The following NCAPD3 variants were observed in gnomAD, a reference collection of about 807,000 sequenced individuals.
NCAPD3 encodes condensin-2 complex subunit D3.
NCAPD3 carries 105 observed loss-of-function variants against 182.9 expected under a neutral mutation model. That is an observed-to-expected ratio of 0.57 (90% confidence interval 0.49 to 0.68). The LOEUF (loss-of-function observed/expected upper bound fraction) is 0.68, where lower values mean the gene tolerates loss of function less well. NCAPD3 is among the 30% of genes least tolerant of loss of function. The pLI is 0.00. For synonymous variants in NCAPD3, 815 were observed against 679.9 expected (o/e 1.20, Z -3.09); for missense variants, 1,944 against 1,837.0 (o/e 1.06, Z -1.07).
At chr11:134,167,328 T>C (rs1591829123) in intron 27 of NCAPD3, among the ~76,000 whole-genome samples, 1 of 39,670 alleles carries the variant, frequency 2.5e-5, no homozygotes, top group Non-Finnish European at 3.8e-5. Context: ...GAAATGAGCC[T>C]GGGGGAGGCG....
intron 25 of NCAPD3, 75 bp from the exon 26 acceptor site, chr11:134,168,677 C>T: frequency 1.3e-6 from 2 of 1,582,112 alleles, no homozygotes; most frequent in Non-Finnish European, 1.7e-6. Context: ...ACTTTAACTG[C>T]ATCCTAAAAG....
At chr11:134,178,017 T>C (rs1222146285) in intron 22 of NCAPD3, 5 of 152,100 alleles carry the variant, frequency 3.3e-5, no homozygotes, top group Non-Finnish European at 5.9e-5. Flanking sequence ...TACAAAAAAA[T>C]TAATAACTTA....
chr11:134,221,851 G>A (rs986751115), intron 1 of NCAPD3, among the ~76,000 whole-genome samples: 3 of 152,100 alleles, frequency 2.0e-5, no homozygotes, highest in Non-Finnish European at 4.4e-5. Context: ...CCCTGAAGGA[G>A]GGGGTCTCTG....
Position 134,152,952 on chromosome 11 carries a change from C to CTGTT in NCAPD3, c.4485_4488dup (p.Ala1497AsnfsTer65). On this transcript the variant is annotated frameshift_variant, in exon 35 of 35. Transcript: ENST00000534548. LOFTEE classifies it high-confidence loss of function. ...CTGGTGGGAGGCGCTGTTTAGTTGG[C>CTGTT]TGTTTTCAGAGGGGTCTTTCGGAGG... The CTGTT allele has an allele frequency of 1.9e-6, 3 of 1,551,912 alleles. No individual in the cohort carries two copies. Among genetic ancestry groups the CTGTT allele is most frequent in the Non-Finnish European group, 2.6e-6 (3 of 1,150,098 alleles).
chr11:134,185,007 A>G lies in NCAPD3; in HGVS notation c.2238-7T>C. The G allele has an allele frequency of 6.3e-7, 1 of 1,593,704 alleles. No individual in the cohort carries two copies. The highest frequency in any genetic ancestry group is 8.6e-7 in the Non-Finnish European group (1 of 1,161,504). ...TGAATTGGGATTCTGCTGACTAGAGAAAGGGCAGGAGGAATATGAAGGGAG... is the reference window on the plus strand; with the variant it reads ...TGAATTGGGATTCTGCTGACTAGAGGAAGGGCAGGAGGAATATGAAGGGAG... On this transcript the variant is annotated splice_polypyrimidine_tract_variant and splice_region_variant and intron_variant, in intron 17 of 34. Coordinates refer to ENST00000534548, the MANE Select transcript of NCAPD3 (RefSeq NM_015261.3).
At chr11:134,162,032 A>G (rs1170098429) in intron 27 of NCAPD3, 141 bp from the exon 28 acceptor site, 10 of 560,886 alleles carry the variant, frequency 1.8e-5, no homozygotes, top group African/African-American at 3.9e-5. Flanking sequence ...CTGGATGTAG[A>G]GGACCTCTGC....
At chr11:134,202,736 A>G (rs1944775104) in intron 13 of NCAPD3, 80 bp downstream of exon 13, 2 of 1,158,502 alleles carry the variant, frequency 1.7e-6, no homozygotes, top group African/African-American at 1.6e-5. Flanking sequence ...AAAAAAAAAA[A>G]TCCAAGGTTT....
At chr11:134,165,959 G>T (rs867642218) in intron 27 of NCAPD3, among the ~76,000 whole-genome samples, 3 of 127,416 alleles carry the variant, frequency 2.4e-5, no homozygotes, top group Non-Finnish European at 5.0e-5. Flanking sequence ...GATGAGCTTG[G>T]GGGAGGGGCA....
intron 24 of NCAPD3, among the ~76,000 whole-genome samples, chr11:134,173,888 G>A (rs564818947): frequency 6.6e-6 from 1 of 151,576 alleles, no homozygotes; most frequent in East Asian, 1.9e-4. Context: ...TTGAACCAGG[G>A]AGTCGGAGGC....
At chr11:134,156,080 C>T (rs547513750) in intron 32 of NCAPD3, among the ~76,000 whole-genome samples, 5 of 152,200 alleles carry the variant, frequency 3.3e-5, no homozygotes, top group South Asian at 4.1e-4. Context: ...CACCTTAGCA[C>T]GCTCTCATCT....
At chr11:134,161,925 A>G (rs1233749676) in intron 27 of NCAPD3, 34 bp from the exon 28 acceptor site, 1 of 1,178,990 alleles carries the variant, frequency 8.5e-7, no homozygotes, top group Non-Finnish European at 1.2e-6. Flanking sequence ...TTTTAGATGT[A>G]TGAACTTCTG....
intron 27 of NCAPD3, among the ~76,000 whole-genome samples, chr11:134,163,051 A>T (rs1283462908): frequency 1.3e-5 from 2 of 152,296 alleles, no homozygotes. Context: ...ACTGAGGTGC[A>T]GATGGCAATT....
intron 14 of NCAPD3, 54 bp downstream of exon 14, chr11:134,194,611 G>C (rs559930147): frequency 1.6e-6 from 2 of 1,284,944 alleles, no homozygotes; most frequent in African/African-American, 1.5e-5. Context: ...ATATTCCTTT[G>C]CATTTCCAAG....
intron 3 of NCAPD3, among the ~76,000 whole-genome samples, chr11:134,216,097 C>A (rs1450220358): frequency 6.6e-6 from 1 of 152,042 alleles, no homozygotes; most frequent in Non-Finnish European, 1.5e-5. Context: ...TGAGAGAGGG[C>A]CTAGTTACAA....
At chr11:134,221,428 GGTTT>G (rs2136035578) in intron 1 of NCAPD3, among the ~76,000 whole-genome samples, 1 of 151,724 alleles carries the variant, frequency 6.6e-6, no homozygotes, top group South Asian at 2.1e-4. Context: ...ACAACATGCA[GGTTT>G]GTTACATAGG....
chr11:134,168,475 T>C lies in NCAPD3; in HGVS notation c.3367A>G (p.Ile1123Val), dbSNP rs779709284. The C allele has an allele frequency of 6.2e-7, 1 of 1,614,186 alleles. No individual in the cohort carries two copies. The highest frequency in any genetic ancestry group is 8.5e-7 in the Non-Finnish European group (1 of 1,180,020). The change falls in exon 26 of 35, where the codon ATT becomes GTT. Residue 1123 changes from isoleucine to valine, a missense_variant. This residue lies in a region of NCAPD3 where 1,803 missense variants were observed against 1,674.6 expected (regional missense o/e 1.08). Coordinates refer to ENST00000534548, the MANE Select transcript of NCAPD3 (RefSeq NM_015261.3). ...CCACACACACTGGGCTTACCCAAAATACTAAGGCAGATTTTGGAAGTGATG... is the reference window on the plus strand; with the variant it reads ...CCACACACACTGGGCTTACCCAAAACACTAAGGCAGATTTTGGAAGTGATG... ...FNITSKICLS[I>V]LACFADGILP...
At chr11:134,164,308 G>A (rs900695238) in intron 27 of NCAPD3, among the ~76,000 whole-genome samples, 12 of 152,242 alleles carry the variant, frequency 7.9e-5, no homozygotes, top group African/African-American at 1.4e-4. Context: ...AGAGCAGAAA[G>A]AAGAGATGAC....
chr11:134,220,855 T>C, intron 1 of NCAPD3, 129 bp from the exon 2 acceptor site: 1 of 840,086 alleles, frequency 1.2e-6, no homozygotes, highest in African/African-American at 1.7e-5. Context: ...CTTGTTTTAA[T>C]AACATAGGTG....
At chr11:134,223,558 G>A (rs1386915547) in intron 1 of NCAPD3, 10 of 691,084 alleles carry the variant, frequency 1.4e-5, no homozygotes, top group Non-Finnish European at 2.7e-5. Context: ...TAATAGGTAA[G>A]AATAGATAGG....
Sources: allele counts gnomAD v4.1 joint callset (sites outside exome capture counted in the v4.1 genomes callset), GRCh38; gene constraint gnomAD v4.1.1; regional missense constraint gnomAD v4.1.1; transcripts MANE v1.5; gene names NCBI Gene and HGNC (gene_info 2026-07-23, HGNC 2026-07-21).